The following NRL variants were observed in gnomAD, a reference collection of about 807,000 sequenced individuals.
The protein encoded by NRL is neural retina leucine zipper.
In NRL, 16 loss-of-function variants were observed where a neutral mutation model predicts 12.5. The observed-to-expected ratio is 1.28, with a 90% CI of 0.87 to 1.95. The LOEUF is 1.95. Ranked by LOEUF, NRL falls within the 30% of genes most tolerant of loss-of-function variation. The pLI, the probability that NRL is intolerant of heterozygous loss-of-function variation, is 0.00. For missense variants in NRL, 314 were observed against 325.8 expected, an observed-to-expected ratio of 0.96 and a Z score of 0.28; for synonymous variants, 142 against 150.9, an observed-to-expected ratio of 0.94 and a Z score of 0.43.
intron 1 of NRL, chr14:24,103,207 G>A (rs941090276): frequency 1.2e-5 from 20 of 1,614,180 alleles, no homozygotes; most frequent in Middle Eastern, 1.6e-4. Context: ...TGGGGTGTTT[G>A]TGGGCAGCGC....
chr14:24,111,700 T>C (rs1357138117), intron 1 of NRL, among the ~76,000 whole-genome samples: 1 of 152,130 alleles, frequency 6.6e-6, no homozygotes, highest in Non-Finnish European at 1.5e-5. Flanking sequence ...TCCTGAGACT[T>C]TGCTGAAGTT....
At position 24,103,509 on chromosome 14, in the gene NRL, G is replaced by A. The variant is rs376278710; in HGVS notation, c.-28+11213C>T. 69 of 1,543,458 alleles carry A rather than the reference G, an allele frequency of 4.5e-5. No homozygotes were observed. Among genetic ancestry groups the A allele is most frequent in the Non-Finnish European group, 5.6e-5 (64 of 1,144,590 alleles). On this transcript the variant is annotated intron_variant, in intron 1 of 2. Coordinates refer to ENST00000561028, the MANE Select transcript of NRL (RefSeq NM_001354768.3). ...CCTTACCCATCTTGCTTCCCCCCCA[G>A]GGAAGATCATCATGCACGACCCATT... is the stretch of plus-strand genomic sequence containing the variant.
intron 1 of NRL, among the ~76,000 whole-genome samples, chr14:24,105,000 G>A (rs1048126655): frequency 7.2e-5 from 11 of 152,220 alleles, no homozygotes; most frequent in Admixed American, 4.6e-4. Context: ...ATAGAGGTGT[G>A]GAGTGGGAAA....
At chr14:24,107,156 G>A (rs917918510) in intron 1 of NRL, among the ~76,000 whole-genome samples, 9 of 152,146 alleles carry the variant, frequency 5.9e-5, no homozygotes, top group Non-Finnish European at 1.3e-4. Context: ...AATCCCTCCA[G>A]CTAAGAGGCA....
chr14:24,099,657 C>T (rs752568875), intron 1 of NRL: 3 of 1,613,612 alleles, frequency 1.9e-6, no homozygotes, highest in Non-Finnish European at 8.5e-7. Context: ...GCGGCCTGCA[C>T]TGCCAGGCTG....
At chr14:24,096,987 C>T in intron 1 of NRL, 1 of 1,613,514 alleles carries the variant, frequency 6.2e-7, no homozygotes, top group Non-Finnish European at 8.5e-7. Flanking sequence ...CAGCTTCCCA[C>T]TGGCATTCGA....
At chr14:24,105,097 G>GTTT (rs1265065356) in intron 1 of NRL, among the ~76,000 whole-genome samples, 1 of 152,224 alleles carries the variant, frequency 6.6e-6, no homozygotes, top group Non-Finnish European at 1.5e-5. Flanking sequence ...GATAAGCATT[G>GTTT]TTTTTATAGA....
chr14:24,103,518 A>C (rs2037251970), intron 1 of NRL: 2 of 1,547,420 alleles, frequency 1.3e-6, no homozygotes, highest in African/African-American at 1.4e-5. Flanking sequence ...AGGGAAGATC[A>C]TCATGCACGA....
rs755220977 is a variant in NRL at position 24,094,461 on chromosome 14, C to T, written c.-27-11586G>A. ...TGAGTGACCCCCGGCCCGGGGCCCA[C>T]CCGCACCTTCCGCTGCGCTCGCCCC... is the stretch of plus-strand genomic sequence containing the variant. On this transcript the variant is annotated intron_variant, in intron 1 of 2. Coordinates refer to ENST00000561028, the MANE Select transcript of NRL (RefSeq NM_001354768.3). This position sits in a 1 kb window ranked among gnomAD's most constrained non-coding sequence, Gnocchi z 4.1. The T allele has an allele frequency of 2.0e-6, 3 of 1,515,334 alleles. No individual in the cohort carries two copies. The highest frequency in any genetic ancestry group is 1.4e-5 in the African/African-American group (1 of 70,562). 93.9% of individuals were successfully genotyped at this position (1,515,334 alleles called of 1,614,324 possible).
intron 1 of NRL, among the ~76,000 whole-genome samples, chr14:24,102,150 C>G (rs188427472): frequency 2.0e-5 from 3 of 152,278 alleles, no homozygotes; most frequent in African/African-American, 7.2e-5. Context: ...ATTGTTTGAA[C>G]CTGGGAGGCG....
intron 1 of NRL, chr14:24,103,706 A>G (rs1030867906): frequency 6.2e-7 from 1 of 1,614,140 alleles, no homozygotes; most frequent in Non-Finnish European, 8.5e-7. Flanking sequence ...CTCGGGTGCT[A>G]GACTGGATCT....
intron 1 of NRL, among the ~76,000 whole-genome samples, chr14:24,108,957 A>G (rs1484263705): frequency 7.2e-5 from 11 of 151,862 alleles, no homozygotes; most frequent in Non-Finnish European, 2.9e-5. Context: ...GAATGAAAAC[A>G]CTCCTTTCCT....
chr14:24,081,013 T>G lies in NRL; in HGVS notation c.*223A>C. 5.1e-6 allele frequency: 2 copies of G among 392,450 alleles called. No individual in the cohort carries two copies. The highest frequency in any genetic ancestry group is 3.8e-5 in the East Asian group (1 of 26,184). 24.3% of individuals were successfully genotyped at this position (392,450 alleles called of 1,614,324 possible). A position where few individuals can be genotyped will look rare whatever the true frequency, so the allele number is the denominator to read the frequency against. On this transcript the variant is annotated 3_prime_UTR_variant, in exon 3 of 3. Coordinates refer to ENST00000561028, the MANE Select transcript of NRL (RefSeq NM_001354768.3). This position sits in a 1 kb window ranked among gnomAD's most constrained non-coding sequence, Gnocchi z 4.4. The stretch of plus-strand genomic sequence containing the variant: ...AGCGTGCTAGTCATGTGGGCTGGGT[T>G]TCTGTGTTCGTAAGGGGAGGGGACC...
chr14:24,097,024 G>A lies in NRL; in HGVS notation c.-27-14149C>T, dbSNP rs1315444333. 4 of 1,613,246 alleles carry A rather than the reference G, an allele frequency of 2.5e-6. No individual in the cohort carries two copies. In the South Asian group the frequency reaches 4.4e-5, roughly 18 times the overall value. ...ATTTTGTAGAGCACAGTGCCCGCCTGTGCCAACCAGAGGGCATCCACATCT... is the reference window on the plus strand; with the variant it reads ...ATTTTGTAGAGCACAGTGCCCGCCTATGCCAACCAGAGGGCATCCACATCT... On this transcript the variant is annotated intron_variant, in intron 1 of 2. Transcript: ENST00000561028.
In NRL at chr14:24,080,181, A is replaced by G. The variant is rs1435099139; in HGVS notation, c.*1055T>C. 1 of 152,224 alleles carries G rather than the reference A, an allele frequency of 6.6e-6. No homozygotes were observed. The allele number at this position is 152,224 out of a possible 1,614,324, so 9.4% of individuals were successfully genotyped here. ...AGAATTCTGCCTGGACTTCAAGTTT[A>G]ATTCACAAAAGCTGCACTCTCTCAG... On this transcript the variant is annotated 3_prime_UTR_variant, in exon 3 of 3. Coordinates refer to ENST00000561028, the MANE Select transcript of NRL (RefSeq NM_001354768.3).
At chr14:24,097,465 G>A (rs2036940736) in intron 1 of NRL, among the ~76,000 whole-genome samples, 1 of 151,610 alleles carries the variant, frequency 6.6e-6, no homozygotes, top group South Asian at 2.1e-4. Context: ...TTGGGAGGGT[G>A]AGGCAGGAGA....
chr14:24,100,525 T>G (rs1951634), intron 1 of NRL: 668,896 of 920,432 alleles, frequency 0.73, 245,904 homozygotes, highest in Non-Finnish European at 0.75. Flanking sequence ...AAAGGGTTTA[T>G]CACACTGACA....
rs138957946 is a variant in NRL, at chr14:24,087,101, A to T, written c.-27-4226T>A. 3.4e-3 allele frequency among the ~76,000 whole-genome samples: 518 copies of T among 152,322 alleles called. 4 individuals are homozygous for T. The highest frequency in any genetic ancestry group is 0.012 in the African/African-American group (501 of 41,570). ...AGAGGAAGGAGACTAAGGAGGCAGTAGGTGTAGATGTGAGATAGAGGACAG... is the reference window on the plus strand; with the variant it reads ...AGAGGAAGGAGACTAAGGAGGCAGTTGGTGTAGATGTGAGATAGAGGACAG... On this transcript the variant is annotated intron_variant, in intron 1 of 2. Transcript: ENST00000561028.
Position 24,094,688 on chromosome 14 carries a change from G to A in NRL, c.-27-11813C>T. On this transcript the variant is annotated intron_variant, in intron 1 of 2. Transcript: ENST00000561028. This position sits in a 1 kb window ranked among gnomAD's most constrained non-coding sequence, Gnocchi z 4.1. ...GCCTCTGACCGCGCGATCTCTATCT[G>A]CCACTCTCAGAACTTCCTCTCTCTC... is the stretch of plus-strand genomic sequence containing the variant. The A allele has an allele frequency of 6.6e-6, 10 of 1,520,428 alleles. No homozygotes were observed. Among genetic ancestry groups the A allele is most frequent in the Non-Finnish European group, 8.8e-6 (10 of 1,137,456 alleles). 94.2% of individuals were successfully genotyped at this position (1,520,428 alleles called of 1,614,324 possible). A position where few individuals can be genotyped will look rare whatever the true frequency, so the allele number is the denominator to read the frequency against.
Sources: allele counts gnomAD v4.1 joint callset (sites outside exome capture counted in the v4.1 genomes callset), GRCh38; gene constraint gnomAD v4.1.1; non-coding constraint Gnocchi (gnomAD v3.1); transcripts MANE v1.5; gene names NCBI Gene and HGNC (gene_info 2026-07-23, HGNC 2026-07-21).